The following GIPC2 variants were observed in gnomAD, a reference collection of about 807,000 sequenced individuals.
The protein encoded by GIPC2 is GIPC PDZ domain containing family member 2.
Under a neutral mutation model 30.6 loss-of-function variants are expected in GIPC2, and 30 were observed. That is an observed-to-expected ratio of 0.98 (90% confidence interval 0.73 to 1.33). GIPC2 has a LOEUF of 1.33. GIPC2 is among the 40% of genes most tolerant of loss of function. The pLI, the probability that GIPC2 is intolerant of heterozygous loss-of-function variation, is 0.00. For synonymous variants in GIPC2, 167 were observed against 150.0 expected, an observed-to-expected ratio of 1.11 and a Z score of -0.83; for missense variants, 414 against 390.3, an observed-to-expected ratio of 1.06 and a Z score of -0.51.
At chr1:78,067,419 A>G (rs180746324) in intron 1 of GIPC2, among the ~76,000 whole-genome samples, 336 of 152,212 alleles carry the variant, frequency 2.2e-3, no homozygotes, top group African/African-American at 7.7e-3. Flanking sequence ...ATGCTGGATG[A>G]CACTTATTTT....
chr1:78,062,579 C>T (rs1661414537), intron 1 of GIPC2, among the ~76,000 whole-genome samples: 3 of 151,396 alleles, frequency 2.0e-5, no homozygotes, highest in Admixed American at 2.0e-4. Flanking sequence ...ACCATCTTGG[C>T]CCACTGTAAC....
intron 2 of GIPC2, among the ~76,000 whole-genome samples, chr1:78,089,375 G>A (rs369145441): frequency 1.1e-4 from 17 of 152,206 alleles, no homozygotes; most frequent in Admixed American, 2.6e-4. Context: ...ATAATGACAC[G>A]CTTAAAATGT....
intron 1 of GIPC2, among the ~76,000 whole-genome samples, chr1:78,057,255 T>G (rs1661314149): frequency 6.6e-6 from 1 of 152,230 alleles, no homozygotes; most frequent in African/African-American, 2.4e-5. Flanking sequence ...GTCTGTACGG[T>G]GAAGCAACTG....
intron 3 of GIPC2, chr1:78,112,456 A>G (rs772310751): frequency 3.9e-6 from 2 of 518,908 alleles, no homozygotes; most frequent in East Asian, 1.1e-4. Context: ...CAACTTGGAT[A>G]CAGCAGTGTC....
intron 3 of GIPC2, among the ~76,000 whole-genome samples, chr1:78,106,711 G>A (rs145072972): frequency 2.8e-4 from 42 of 152,210 alleles, no homozygotes; most frequent in East Asian, 7.7e-4. Context: ...ACAGAGTTTC[G>A]TTCTTGTTGC....
chr1:78,104,206 A>G (rs1662302336), intron 3 of GIPC2, among the ~76,000 whole-genome samples: 1 of 152,082 alleles, frequency 6.6e-6, no homozygotes, highest in East Asian at 1.9e-4. Flanking sequence ...GTGGTGCTCA[A>G]AGTCAGATTC....
intron 1 of GIPC2, among the ~76,000 whole-genome samples, chr1:78,062,509 T>TC (rs1661413050): frequency 6.6e-6 from 1 of 151,562 alleles, no homozygotes; most frequent in South Asian, 2.1e-4. Flanking sequence ...CTTTTTCTTT[T>TC]TTTTTTTTTT....
chr1:78,069,515 C>T (rs666995), intron 1 of GIPC2, among the ~76,000 whole-genome samples: 33,156 of 147,700 alleles, frequency 0.22, 4,031 homozygotes, highest in East Asian at 0.48. Context: ...TCTCTATCTC[C>T]CAGGCTGGAG....
chr1:78,120,213 G>A (rs1662653441), intron 4 of GIPC2, among the ~76,000 whole-genome samples: 1 of 152,152 alleles, frequency 6.6e-6, no homozygotes, highest in Non-Finnish European at 1.5e-5. Flanking sequence ...CAACATGACC[G>A]AACTCCGTAT....
chr1:78,052,490 CT>C (rs1661214931), intron 1 of GIPC2, among the ~76,000 whole-genome samples: 2 of 152,102 alleles, frequency 1.3e-5, no homozygotes, highest in African/African-American at 4.8e-5. Context: ...TAGCATAAAG[CT>C]TTAGTATTGA....
chr1:78,112,250 C>T (rs963902053), intron 3 of GIPC2, among the ~76,000 whole-genome samples: 1 of 152,078 alleles, frequency 6.6e-6, no homozygotes, highest in African/African-American at 2.4e-5. Context: ...TTATTTTTTT[C>T]TCCTACCTCA....
chr1:78,112,182 A>G (rs1662478081), intron 3 of GIPC2, among the ~76,000 whole-genome samples: 1 of 152,256 alleles, frequency 6.6e-6, no homozygotes, highest in Non-Finnish European at 1.5e-5. Context: ...CTTTCATTTC[A>G]CAGTTTGGAA....
At chr1:78,094,913 G>A (rs1395641398) in intron 2 of GIPC2, 39 bp from the exon 3 acceptor site, 2 of 1,410,946 alleles carry the variant, frequency 1.4e-6, no homozygotes, top group Non-Finnish European at 2.0e-6. Context: ...TCATTACACA[G>A]TTCTATTTTA....
At chr1:78,049,846 T>G (rs999471215) in intron 1 of GIPC2, among the ~76,000 whole-genome samples, 7 of 152,056 alleles carry the variant, frequency 4.6e-5, no homozygotes, top group African/African-American at 1.4e-4. Context: ...AGCTGTGAGA[T>G]TCTTGGTAGC....
intron 2 of GIPC2, among the ~76,000 whole-genome samples, chr1:78,093,766 C>T (rs1662086782): frequency 1.3e-5 from 2 of 152,116 alleles, no homozygotes; most frequent in African/African-American, 2.4e-5. Context: ...CCTGATATTG[C>T]TATCATTCCT....
chr1:78,125,046 C>G (rs1310379317), intron 4 of GIPC2, among the ~76,000 whole-genome samples: 1 of 152,036 alleles, frequency 6.6e-6, no homozygotes, highest in Non-Finnish European at 1.5e-5. Flanking sequence ...CCTTCTTTTT[C>G]TCTGAGACAG....
chr1:78,132,940 A>G (rs1307756862), intron 5 of GIPC2, among the ~76,000 whole-genome samples: 1 of 152,190 alleles, frequency 6.6e-6, no homozygotes, highest in Non-Finnish European at 1.5e-5. Flanking sequence ...TGTAAAGCCT[A>G]TGAGAAAGAG....
chr1:78,108,542 G>T (rs973349287), intron 3 of GIPC2, among the ~76,000 whole-genome samples: 9 of 152,164 alleles, frequency 5.9e-5, no homozygotes, highest in African/African-American at 2.2e-4. Context: ...CTTCATGCAG[G>T]TGGCATCAGT....
upstream of GIPC2, chr1:78,045,415 G>T (rs1225943186): frequency 3.9e-6 from 1 of 254,532 alleles, no homozygotes; most frequent in Non-Finnish European, 6.2e-6. Flanking sequence ...GTCCTCTGTA[G>T]AGACTAAGAA....
Sources: allele counts gnomAD v4.1 joint callset (sites outside exome capture counted in the v4.1 genomes callset), GRCh38; gene constraint gnomAD v4.1.1; transcripts MANE v1.5; gene names NCBI Gene and HGNC (gene_info 2026-07-23, HGNC 2026-07-21).